The following TACC2 variants were observed in gnomAD, a reference collection of about 807,000 sequenced individuals.
TACC2 encodes the protein transforming acidic coiled-coil containing protein 2.
TACC2 carries 137 observed loss-of-function variants against 227.3 expected under a neutral mutation model. The ratio of observed to expected loss-of-function variants is 0.60; its 90% CI spans 0.52 to 0.69. TACC2 has a LOEUF of 0.69. TACC2 is among the 30% of genes least tolerant of loss of function. The pLI is 0.00. For synonymous variants in TACC2, 1,523 were observed against 1,487.5 expected, an observed-to-expected ratio of 1.02 and a Z score of -0.55; for missense variants, 3,470 against 3,694.4, an observed-to-expected ratio of 0.94 and a Z score of 1.57.
At chr10:122,232,807 G>C (rs995291312) in intron 16 of TACC2, among the ~76,000 whole-genome samples, 4 of 152,164 alleles carry the variant, frequency 2.6e-5, no homozygotes, top group African/African-American at 9.7e-5. Context: ...AACTCCTGAT[G>C]CATAGGAAGA....
chr10:122,132,036 G>GAA (rs1325718075), intron 5 of TACC2, among the ~76,000 whole-genome samples: 50 of 1,294 alleles, frequency 0.039, no homozygotes, highest in Non-Finnish European at 0.23. Flanking sequence ...GAAAGAAAAA[G>GAA]AAAGAAAGAA....
At chr10:122,225,294 C>T (rs2281672) in intron 12 of TACC2, among the ~76,000 whole-genome samples, 41,207 of 152,212 alleles carry the variant, frequency 0.27, 6,091 homozygotes, top group Middle Eastern at 0.44. Context: ...CCCTCGGAGA[C>T]GTGTGGCACA....
At chr10:122,229,709 CAA>C (rs2095698356) in intron 15 of TACC2, among the ~76,000 whole-genome samples, 1 of 152,172 alleles carries the variant, frequency 6.6e-6, no homozygotes, top group African/African-American at 2.4e-5. Flanking sequence ...ATTTCTATTT[CAA>C]TTTACAAACT....
intron 7 of TACC2, among the ~76,000 whole-genome samples, chr10:122,172,598 A>C (rs144492121): frequency 1.3e-5 from 2 of 152,292 alleles, no homozygotes; most frequent in Non-Finnish European, 2.9e-5. Flanking sequence ...TGGCTTTATT[A>C]ACTTTACTTT....
At chr10:122,176,741 T>TA (rs2093738604) in intron 7 of TACC2, among the ~76,000 whole-genome samples, 1 of 152,208 alleles carries the variant, frequency 6.6e-6, no homozygotes, top group South Asian at 2.1e-4. Context: ...TCCACCCACC[T>TA]AGGTTCTTTG....
chr10:122,166,938 G>T (rs1312150140), intron 7 of TACC2, among the ~76,000 whole-genome samples: 1 of 152,226 alleles, frequency 6.6e-6, no homozygotes, highest in Non-Finnish European at 1.5e-5. Context: ...GAGTAAATGT[G>T]GGCTGCAGCT....
At chr10:122,154,727 A>C (rs10788253) in intron 7 of TACC2, among the ~76,000 whole-genome samples, 137,364 of 152,254 alleles carry the variant, frequency 0.9, 62,053 homozygotes, top group Middle Eastern at 0.93. Flanking sequence ...GGAATTATAC[A>C]GACAGGGCCT....
At chr10:122,195,007 CT>C (rs780720318) in intron 7 of TACC2, 32 bp from the exon 8 acceptor site, 64 of 1,574,016 alleles carry the variant, frequency 4.1e-5, no homozygotes, top group Non-Finnish European at 5.2e-5. Flanking sequence ...CTCTGGGCCC[CT>C]GTCTAACCTG....
chr10:122,216,302 G>A, intron 10 of TACC2, among the ~76,000 whole-genome samples: 1 of 152,134 alleles, frequency 6.6e-6, no homozygotes, highest in East Asian at 1.9e-4. Context: ...CAGGCCTGAA[G>A]CACTGTGTGA....
At chr10:122,164,063 C>T in intron 7 of TACC2, 1 of 1,529,412 alleles carries the variant, frequency 6.5e-7, no homozygotes, top group Non-Finnish European at 8.9e-7. Context: ...TTGTTAGTGT[C>T]GCCTTTCCTA....
chr10:122,125,776 C>CCTT (rs749526492), intron 5 of TACC2, among the ~76,000 whole-genome samples: 3 of 117,220 alleles, frequency 2.6e-5, no homozygotes, highest in Non-Finnish European at 3.4e-5. Context: ...AATATCCTTC[C>CCTT]TTTTTTTTTT....
intron 2 of TACC2, chr10:122,022,867 C>G (rs1957490433): frequency 6.6e-6 from 1 of 152,144 alleles, no homozygotes. Flanking sequence ...TTTTCATTAT[C>G]TATTTTAAGT....
chr10:122,214,140 C>G (rs867014282), intron 9 of TACC2, among the ~76,000 whole-genome samples: 1 of 152,152 alleles, frequency 6.6e-6, no homozygotes, highest in Non-Finnish European at 1.5e-5. Context: ...AGAAGGGAAG[C>G]CGGCCAGTCC....
chr10:122,236,130 T>A lies in TACC2; in HGVS notation c.8128-1265T>A, dbSNP rs180762033. 3.6e-3 allele frequency among the ~76,000 whole-genome samples: 544 copies of A among 152,320 alleles called. 4 individuals carry two copies. The highest frequency in any genetic ancestry group is 0.011 in the African/African-American group (478 of 41,570). On this transcript the variant is annotated intron_variant, in intron 16 of 22. Coordinates refer to ENST00000369005, the MANE Select transcript of TACC2 (RefSeq NM_206862.4). The stretch of plus-strand genomic sequence containing the variant: ...CTCGGGTTCATTTTCCCTGATGCTG[T>A]CGTAGGGTAGGCACGCCTGTTCTGG...
chr10:122,240,719 G>T (rs1043119921), intron 18 of TACC2, among the ~76,000 whole-genome samples: 1 of 152,158 alleles, frequency 6.6e-6, no homozygotes, highest in South Asian at 2.1e-4. Context: ...ACAGTTATCC[G>T]CTCTTGGTTC....
intron 8 of TACC2, among the ~76,000 whole-genome samples, chr10:122,203,805 G>A (rs2094985908): frequency 6.6e-6 from 1 of 152,144 alleles, no homozygotes; most frequent in Non-Finnish European, 1.5e-5. Flanking sequence ...GCCAAGGCAG[G>A]CTGCTGGGAG....
intron 9 of TACC2, among the ~76,000 whole-genome samples, chr10:122,214,598 C>T (rs895156010): frequency 1.3e-5 from 2 of 152,136 alleles, no homozygotes; most frequent in Non-Finnish European, 2.9e-5. Context: ...GTGGAAGTGA[C>T]CCCCAGACTG....
At chr10:122,144,574 G>A (rs1440754598) in intron 7 of TACC2, among the ~76,000 whole-genome samples, 1 of 152,226 alleles carries the variant, frequency 6.6e-6, no homozygotes, top group African/African-American at 2.4e-5. Context: ...AGCCATGGTA[G>A]AGGGCAAGAA....
intron 7 of TACC2, among the ~76,000 whole-genome samples, chr10:122,167,698 C>T (rs1466147275): frequency 6.6e-6 from 1 of 152,120 alleles, no homozygotes; most frequent in Non-Finnish European, 1.5e-5. Context: ...CCTCCTGCCT[C>T]GCAGGGTTTT....
Sources: allele counts gnomAD v4.1 joint callset (sites outside exome capture counted in the v4.1 genomes callset), GRCh38; gene constraint gnomAD v4.1.1; transcripts MANE v1.5; gene names NCBI Gene and HGNC (gene_info 2026-07-23, HGNC 2026-07-21).